Variants in AOAH observed in about 807,000 individuals in gnomAD.
AOAH encodes the protein acyloxyacyl hydrolase, also known as acyloxyacyl hydrolase (neutrophil).
In AOAH, 64 loss-of-function variants were observed where a neutral mutation model predicts 92.2. That is an observed-to-expected ratio of 0.69 (90% confidence interval 0.57 to 0.86). AOAH has a LOEUF of 0.86. AOAH is among the 40% of genes least tolerant of loss of function. The pLI is 0.00. For synonymous variants in AOAH, 263 were observed against 254.5 expected, an observed-to-expected ratio of 1.03 and a Z score of -0.32; for missense variants, 656 against 694.6, an observed-to-expected ratio of 0.94 and a Z score of 0.62.
intron 19 of AOAH, among the ~76,000 whole-genome samples, chr7:36,523,629 G>GGTTTTTTTTTTTTTT (rs759621905): frequency 1.0e-5 from 1 of 100,138 alleles, no homozygotes; most frequent in African/African-American, 4.1e-5. Context: ...TGTTTTGCCT[G>GGTTTTTTTTTTTTTT]TTTTTTTTTT....
intron 6 of AOAH, among the ~76,000 whole-genome samples, chr7:36,627,250 C>T (rs78511248): frequency 1.6e-3 from 237 of 152,194 alleles, no homozygotes; most frequent in Non-Finnish European, 2.9e-3. Flanking sequence ...AGGAAAAAAA[C>T]GTTTCTAACT....
intron 3 of AOAH, among the ~76,000 whole-genome samples, chr7:36,665,705 A>G (rs1408262945): frequency 2.6e-5 from 4 of 152,056 alleles, no homozygotes; most frequent in Non-Finnish European, 5.9e-5. Context: ...TCCAGTTGAG[A>G]AAGTTTCTCT....
intron 4 of AOAH, among the ~76,000 whole-genome samples, chr7:36,642,826 G>C (rs1294973688): frequency 6.6e-6 from 1 of 152,172 alleles, no homozygotes; most frequent in Non-Finnish European, 1.5e-5. Flanking sequence ...GGTCTCTATT[G>C]CTATTTCCTA....
intron 15 of AOAH, among the ~76,000 whole-genome samples, chr7:36,540,769 T>G (rs1785374396): frequency 6.6e-6 from 1 of 152,234 alleles, no homozygotes; most frequent in African/African-American, 2.4e-5. Flanking sequence ...ATGTGACACC[T>G]TCTAGAATGC....
At chr7:36,714,416 C>T (rs997387290) in intron 1 of AOAH, among the ~76,000 whole-genome samples, 1 of 152,212 alleles carries the variant, frequency 6.6e-6, no homozygotes, top group Admixed American at 6.5e-5. Flanking sequence ...GAACTAGTAC[C>T]ATTCCTTCTG....
At chr7:36,625,151 A>G (rs1362677381) in intron 6 of AOAH, among the ~76,000 whole-genome samples, 3 of 152,120 alleles carry the variant, frequency 2.0e-5, no homozygotes, top group Non-Finnish European at 4.4e-5. Context: ...TCCTTCCTAC[A>G]TTCCTGCCCT....
chr7:36,676,796 A>AC (rs1796281657), intron 2 of AOAH, among the ~76,000 whole-genome samples: 1 of 152,178 alleles, frequency 6.6e-6, no homozygotes, highest in Admixed American at 6.5e-5. Flanking sequence ...TCAGAAACAA[A>AC]CCCTAACATT....
At chr7:36,587,135 G>A (rs1005559988) in intron 12 of AOAH, among the ~76,000 whole-genome samples, 4 of 151,906 alleles carry the variant, frequency 2.6e-5, no homozygotes, top group African/African-American at 9.7e-5. Flanking sequence ...AGATGGGTGT[G>A]GCAGCGTGTG....
chr7:36,702,975 T>C (rs10279147), intron 1 of AOAH, among the ~76,000 whole-genome samples: 90,619 of 152,040 alleles, frequency 0.6, 27,441 homozygotes, highest in East Asian at 0.83. Context: ...TGAAACATTC[T>C]AAATCCTTTG....
chr7:36,540,919 G>T (rs1347834900), intron 15 of AOAH, among the ~76,000 whole-genome samples: 1 of 152,214 alleles, frequency 6.6e-6, no homozygotes, highest in African/African-American at 2.4e-5. Flanking sequence ...ATGCTACTAA[G>T]ATTTTAGGGG....
At chr7:36,652,808 A>T (rs1010406420) in intron 4 of AOAH, among the ~76,000 whole-genome samples, 1 of 152,238 alleles carries the variant, frequency 6.6e-6, no homozygotes, top group African/African-American at 2.4e-5. Flanking sequence ...CATGAAAAAC[A>T]AGGAAAGATG....
intron 6 of AOAH, among the ~76,000 whole-genome samples, chr7:36,625,357 G>C (rs1792579710): frequency 6.6e-6 from 1 of 152,182 alleles, no homozygotes; most frequent in South Asian, 2.1e-4. Flanking sequence ...GCAATTCTCA[G>C]AAGTTTATTT....
chr7:36,611,857 G>A (rs959776684), intron 11 of AOAH, among the ~76,000 whole-genome samples: 2 of 152,148 alleles, frequency 1.3e-5, no homozygotes, highest in Non-Finnish European at 2.9e-5. Context: ...TCCTGACACT[G>A]TTACTATCAT....
intron 3 of AOAH, 46 bp downstream of exon 3, chr7:36,673,897 C>T: frequency 3.6e-6 from 5 of 1,393,602 alleles, no homozygotes; most frequent in Non-Finnish European, 5.0e-6. Flanking sequence ...TTGTTCCTCC[C>T]ATGTCCCAGC....
intron 1 of AOAH, among the ~76,000 whole-genome samples, chr7:36,715,204 T>C (rs1186051146): frequency 6.6e-6 from 1 of 152,134 alleles, no homozygotes; most frequent in Non-Finnish European, 1.5e-5. Context: ...AGCCAAATCA[T>C]GAGTGAACTC....
At chr7:36,592,155 G>C (rs2116785740) in intron 12 of AOAH, among the ~76,000 whole-genome samples, 1 of 152,268 alleles carries the variant, frequency 6.6e-6, no homozygotes, top group East Asian at 1.9e-4. Context: ...TTGATTGAGA[G>C]AAAATTCCAG....
chr7:36,644,056 G>A (rs928957396), intron 4 of AOAH, among the ~76,000 whole-genome samples: 6 of 152,196 alleles, frequency 3.9e-5, no homozygotes, highest in African/African-American at 1.2e-4. Flanking sequence ...TACATGCTGG[G>A]GAAATAGTAG....
chr7:36,615,222 G>A (rs970719450), intron 11 of AOAH, among the ~76,000 whole-genome samples: 9 of 152,208 alleles, frequency 5.9e-5, no homozygotes, highest in Non-Finnish European at 7.3e-5. Flanking sequence ...ACAGTGGCAT[G>A]TAAAACTGGC....
At chr7:36,691,921 C>T (rs188331701) in intron 1 of AOAH, among the ~76,000 whole-genome samples, 4 of 152,280 alleles carry the variant, frequency 2.6e-5, no homozygotes, top group African/African-American at 7.2e-5. Context: ...GGCCCCATGA[C>T]GGAAAACCGA....
Sources: allele counts gnomAD v4.1 joint callset (sites outside exome capture counted in the v4.1 genomes callset), GRCh38; gene constraint gnomAD v4.1.1; transcripts MANE v1.5; gene names NCBI Gene and HGNC (gene_info 2026-07-23, HGNC 2026-07-21).